Variants in SORCS3 observed in about 807,000 individuals in gnomAD.
SORCS3 encodes VPS10 domain-containing receptor SorCS3.
SORCS3 carries 57 observed loss-of-function variants against 146.3 expected under a neutral mutation model. That is an observed-to-expected ratio of 0.39 (90% CI 0.31 to 0.49). SORCS3 has a LOEUF of 0.49. Ranked by LOEUF, SORCS3 falls within the 20% of genes least tolerant of loss-of-function variation. SORCS3 has a pLI of 0.92. For synonymous variants in SORCS3, 653 were observed against 618.5 expected, an observed-to-expected ratio of 1.06 and a Z score of -0.83; for missense variants, 1,341 against 1,575.5, an observed-to-expected ratio of 0.85 and a Z score of 2.52.
intron 1 of SORCS3, among the ~76,000 whole-genome samples, chr10:104,716,322 T>C (rs1478195847): frequency 1.3e-5 from 2 of 152,188 alleles, no homozygotes; most frequent in Non-Finnish European, 1.5e-5. Flanking sequence ...CAGTGAACAT[T>C]TGTTGACTAC....
intron 6 of SORCS3, among the ~76,000 whole-genome samples, chr10:105,098,297 T>G (rs1001840606): frequency 6.6e-6 from 1 of 152,194 alleles, no homozygotes; most frequent in Non-Finnish European, 1.5e-5. Flanking sequence ...AAACTCACTT[T>G]ATGGATTGAG....
intron 1 of SORCS3, among the ~76,000 whole-genome samples, chr10:104,658,293 G>A (rs1241272684): frequency 1.3e-5 from 2 of 152,124 alleles, no homozygotes; most frequent in Non-Finnish European, 2.9e-5. Flanking sequence ...TTTTTCAGGA[G>A]CTGAGATGAG....
chr10:105,245,516 A>G, intron 20 of SORCS3, 26 bp from the exon 21 acceptor site: 1 of 1,613,338 alleles, frequency 6.2e-7, no homozygotes, highest in Non-Finnish European at 8.5e-7. Context: ...ACAAGACTGA[A>G]TGAGTATTGT....
intron 4 of SORCS3, among the ~76,000 whole-genome samples, chr10:105,004,232 T>C (rs2055079603): frequency 6.6e-6 from 1 of 152,126 alleles, no homozygotes; most frequent in South Asian, 2.1e-4. Flanking sequence ...GGATGGGCTT[T>C]GATGCTGTAC....
At chr10:104,989,045 C>T (rs1207732800) in intron 4 of SORCS3, among the ~76,000 whole-genome samples, 2 of 152,202 alleles carry the variant, frequency 1.3e-5, no homozygotes, top group Non-Finnish European at 2.9e-5. Flanking sequence ...AAGTGTGGAA[C>T]ACTTGTGTTG....
Position 104,720,629 on chromosome 10 carries a change from C to T in SORCS3, c.627+78675C>T, listed in dbSNP as rs531889351. On this transcript the variant is annotated intron_variant, in intron 1 of 26. Transcript: ENST00000369701. ...TGTTCCTATTTCTCCACATCCTCTC[C>T]AGCACCTGTTGTTTCCTGACTTTTT... 5.2e-3 allele frequency among the ~76,000 whole-genome samples: 790 copies of T among 152,320 alleles called. 5 individuals carry two copies. Among genetic ancestry groups the T allele is most frequent in the African/African-American group, 0.018 (733 of 41,572 alleles).
chr10:105,091,407 CT>C (rs2055704819), intron 6 of SORCS3, among the ~76,000 whole-genome samples: 1 of 74,688 alleles, frequency 1.3e-5, no homozygotes. Context: ...TCCTTCCTTC[CT>C]TCCTTCCTTC....
chr10:104,947,218 A>C (rs2019380726), intron 3 of SORCS3, among the ~76,000 whole-genome samples: 1 of 152,154 alleles, frequency 6.6e-6, no homozygotes, highest in African/African-American at 2.4e-5. Context: ...TGGCCAAGGA[A>C]GGGCTCTGTT....
At chr10:104,878,293 G>T (rs2018596725) in intron 2 of SORCS3, among the ~76,000 whole-genome samples, 1 of 152,078 alleles carries the variant, frequency 6.6e-6, no homozygotes, top group Admixed American at 6.6e-5. Flanking sequence ...AACAAGCAAT[G>T]GGATAAATTA....
chr10:105,200,244 G>GC, intron 15 of SORCS3, 128 bp downstream of exon 15: 1 of 708,494 alleles, frequency 1.4e-6, no homozygotes, highest in Middle Eastern at 4.0e-4. Context: ...TGTGGGTGTG[G>GC]ATTTGGAGAA....
At chr10:104,662,290 A>G (rs1564653746) in intron 1 of SORCS3, among the ~76,000 whole-genome samples, 1 of 152,240 alleles carries the variant, frequency 6.6e-6, no homozygotes, top group Non-Finnish European at 1.5e-5. Context: ...TTGCAAAAAT[A>G]ATAGACCACA....
At chr10:104,819,412 C>T (rs911387282) in intron 1 of SORCS3, among the ~76,000 whole-genome samples, 4 of 152,178 alleles carry the variant, frequency 2.6e-5, no homozygotes, top group African/African-American at 9.7e-5. Context: ...ATCTCTTTCT[C>T]TCTCTCTCAC....
chr10:105,112,037 C>A (rs1267973008), intron 7 of SORCS3, among the ~76,000 whole-genome samples: 1 of 152,114 alleles, frequency 6.6e-6, no homozygotes. Context: ...TTAATTAAAT[C>A]TAGATAATGT....
At chr10:105,210,014 A>T (rs1456774307) in intron 16 of SORCS3, among the ~76,000 whole-genome samples, 1 of 152,000 alleles carries the variant, frequency 6.6e-6, no homozygotes, top group African/African-American at 2.4e-5. Flanking sequence ...GTTTTTTATT[A>T]TTATTATTAT....
At chr10:105,247,822 G>T (rs943184674) in intron 22 of SORCS3, among the ~76,000 whole-genome samples, 2 of 152,180 alleles carry the variant, frequency 1.3e-5, no homozygotes, top group African/African-American at 4.8e-5. Flanking sequence ...ATAAAAGAGA[G>T]TCTAGTTCAA....
intron 1 of SORCS3, among the ~76,000 whole-genome samples, chr10:104,838,454 G>A (rs1395770339): frequency 6.6e-6 from 1 of 152,050 alleles, no homozygotes; most frequent in Non-Finnish European, 1.5e-5. Context: ...GGTTTTGTTT[G>A]CTTGGCATAG....
At chr10:104,961,102 A>G (rs1342106766) in intron 3 of SORCS3, among the ~76,000 whole-genome samples, 4 of 152,094 alleles carry the variant, frequency 2.6e-5, no homozygotes, top group Non-Finnish European at 5.9e-5. Context: ...TTATCTTTTC[A>G]TATAGTCATT....
chr10:104,907,409 G>A lies in SORCS3; in HGVS notation c.696-8424G>A, dbSNP rs138441698. 2.0e-3 allele frequency among the ~76,000 whole-genome samples: 308 copies of A among 152,256 alleles called. 2 individuals are homozygous for A. Among genetic ancestry groups the A allele is most frequent in the South Asian group, 4.8e-3 (23 of 4,824 alleles). On this transcript the variant is annotated intron_variant, in intron 2 of 26. Transcript: ENST00000369701. ...ATTTTCTGAACTGAAGGTCTTCAGTGAGAACTAATGTGTTCACACCAAATA... is the reference window on the plus strand; with the variant it reads ...ATTTTCTGAACTGAAGGTCTTCAGTAAGAACTAATGTGTTCACACCAAATA...
chr10:105,257,006 C>A (rs1270379704), intron 25 of SORCS3, 82 bp downstream of exon 25: 2 of 963,028 alleles, frequency 2.1e-6, no homozygotes, highest in East Asian at 5.0e-5. Flanking sequence ...TTACTAAACT[C>A]ATCGCAAGAA....
Sources: gnomAD v4.1 joint callset for allele counts (sites outside exome capture counted in the v4.1 genomes callset) on GRCh38, gnomAD v4.1.1 for gene constraint, MANE v1.5 for transcripts, NCBI Gene and HGNC (gene_info 2026-07-23, HGNC 2026-07-21) for gene names.